VWA8: variants seen among roughly 807,000 people sequenced by gnomAD.
The protein encoded by VWA8 is von Willebrand factor A domain containing 8.
In VWA8, 221 loss-of-function variants were observed where a neutral mutation model predicts 241.5. The observed-to-expected ratio is 0.91, with a 90% CI of 0.82 to 1.02. The LOEUF (loss-of-function observed/expected upper bound fraction) is 1.02, where lower values mean the gene tolerates loss of function less well. Ranked by LOEUF, VWA8 falls within the 50% of genes least tolerant of loss-of-function variation. VWA8 has a pLI of 0.00. For synonymous variants in VWA8, 852 were observed against 827.1 expected (o/e 1.03, Z -0.52); for missense variants, 2,322 against 2,328.7 (o/e 1.00, Z 0.06).
intron 37 of VWA8, among the ~76,000 whole-genome samples, chr13:41,621,766 A>C (rs1043763196): frequency 6.6e-6 from 1 of 152,176 alleles, no homozygotes; most frequent in Non-Finnish European, 1.5e-5. Flanking sequence ...GTTACCTTCA[A>C]AATTACGCTG....
At chr13:41,840,832 G>C (rs1427562515) in intron 12 of VWA8, among the ~76,000 whole-genome samples, 2 of 151,536 alleles carry the variant, frequency 1.3e-5, no homozygotes, top group East Asian at 1.9e-4. Context: ...CACAATTCTT[G>C]ATAATAAAAT....
At chr13:41,583,812 C>T (rs2139642551) in intron 42 of VWA8, among the ~76,000 whole-genome samples, 1 of 151,902 alleles carries the variant, frequency 6.6e-6, no homozygotes, top group East Asian at 1.9e-4. Context: ...ACTTTGGATC[C>T]TAGGTGGACA....
intron 2 of VWA8, 109 bp from the exon 3 acceptor site, chr13:41,912,277 G>T: frequency 1.3e-6 from 1 of 770,170 alleles, no homozygotes; most frequent in Non-Finnish European, 1.8e-6. Flanking sequence ...TATAAAATAT[G>T]TGTTTATCTG....
At chr13:41,918,674 A>G (rs1876371713) in intron 2 of VWA8, among the ~76,000 whole-genome samples, 1 of 152,178 alleles carries the variant, frequency 6.6e-6, no homozygotes. Context: ...TATTTTACAT[A>G]AGGAAATGTC....
At chr13:41,615,147 GAA>G in intron 37 of VWA8, 63 bp from the exon 38 acceptor site, 1 of 1,519,238 alleles carries the variant, frequency 6.6e-7, no homozygotes. Context: ...CTGCATGACA[GAA>G]AAAAAAATTA....
At chr13:41,715,220 C>T (rs1409709572) in intron 26 of VWA8, among the ~76,000 whole-genome samples, 1 of 151,752 alleles carries the variant, frequency 6.6e-6, no homozygotes, top group East Asian at 1.9e-4. Flanking sequence ...TTTCTATTAC[C>T]ATCATCAATA....
At chr13:41,596,985 T>C (rs2044493087) in intron 40 of VWA8, among the ~76,000 whole-genome samples, 1 of 152,084 alleles carries the variant, frequency 6.6e-6, no homozygotes. Context: ...GACTTTTTTT[T>C]TACCTACAAA....
chr13:41,882,787 GACC>G (rs940282285), intron 9 of VWA8, among the ~76,000 whole-genome samples: 64 of 133,098 alleles, frequency 4.8e-4, no homozygotes, highest in Non-Finnish European at 9.1e-4. Flanking sequence ...ATCAGAGGGA[GACC>G]GTGGAAAGAG....
At chr13:41,627,934 C>G (rs867478699) in intron 37 of VWA8, among the ~76,000 whole-genome samples, 1 of 152,156 alleles carries the variant, frequency 6.6e-6, no homozygotes, top group Non-Finnish European at 1.5e-5. Flanking sequence ...AAAATAGAGT[C>G]TGGAAGCAGG....
chr13:41,797,194 G>GC (rs1188222862), intron 17 of VWA8, among the ~76,000 whole-genome samples: 1 of 110,088 alleles, frequency 9.1e-6, no homozygotes, highest in Non-Finnish European at 2.1e-5. Context: ...CCACACCCAA[G>GC]TATTTTTTTT....
chr13:41,957,239 G>A (rs895280760), intron 1 of VWA8, among the ~76,000 whole-genome samples: 2 of 152,112 alleles, frequency 1.3e-5, no homozygotes, highest in Non-Finnish European at 2.9e-5. Context: ...TGTTCTCGTG[G>A]TAGTGAAAAA....
chr13:41,678,444 T>C (rs1487314864), intron 35 of VWA8, among the ~76,000 whole-genome samples: 1 of 152,220 alleles, frequency 6.6e-6, no homozygotes, highest in Non-Finnish European at 1.5e-5. Flanking sequence ...TAACAATTCC[T>C]GCTGCTCGAA....
At chr13:41,913,854 A>C (rs1453443044) in intron 2 of VWA8, among the ~76,000 whole-genome samples, 1 of 152,238 alleles carries the variant, frequency 6.6e-6, no homozygotes, top group East Asian at 1.9e-4. Context: ...ATTCATCCCT[A>C]GCAGGATAAA....
chr13:41,915,214 T>G (rs189363860), intron 2 of VWA8, among the ~76,000 whole-genome samples: 1 of 152,340 alleles, frequency 6.6e-6, no homozygotes, highest in East Asian at 1.9e-4. Context: ...CTGGGAATTA[T>G]GTATAATCAT....
At chr13:41,894,387 G>A (rs1347632225) in intron 4 of VWA8, among the ~76,000 whole-genome samples, 1 of 152,180 alleles carries the variant, frequency 6.6e-6, no homozygotes, top group Non-Finnish European at 1.5e-5. Context: ...TGAAAAAGTA[G>A]GGATAGATGG....
chr13:41,807,861 C>T (rs1049346619), intron 17 of VWA8: 1 of 152,210 alleles, frequency 6.6e-6, no homozygotes, highest in Non-Finnish European at 1.5e-5. Flanking sequence ...GAAGAGTGAA[C>T]TGGCTCAGGT....
At chr13:41,659,403 A>T (rs984228737) in intron 37 of VWA8, among the ~76,000 whole-genome samples, 1 of 152,242 alleles carries the variant, frequency 6.6e-6, no homozygotes, top group Admixed American at 6.5e-5. Context: ...TAATTAAATG[A>T]ATTAAAAGCC....
intron 25 of VWA8, 116 bp downstream of exon 25, chr13:41,721,254 G>C: frequency 9.7e-7 from 1 of 1,032,616 alleles, no homozygotes; most frequent in African/African-American, 1.6e-5. Context: ...TTCAAATCAT[G>C]TAATCTGACT....
chr13:41,839,500 C>A (rs1357255489), intron 12 of VWA8, among the ~76,000 whole-genome samples: 1 of 152,126 alleles, frequency 6.6e-6, no homozygotes, highest in Non-Finnish European at 1.5e-5. Context: ...TTAATTAGAT[C>A]CCATTTGTCA....
Sources: gnomAD v4.1 joint callset for allele counts (sites outside exome capture counted in the v4.1 genomes callset) on GRCh38, gnomAD v4.1.1 for gene constraint, MANE v1.5 for transcripts, NCBI Gene and HGNC (gene_info 2026-07-23, HGNC 2026-07-21) for gene names.